The following ZMYND8 variants were observed in gnomAD, a reference collection of about 807,000 sequenced individuals.
The protein encoded by ZMYND8 is MYND-type zinc finger-containing chromatin reader ZMYND8.
Under a neutral mutation model 140.8 loss-of-function variants are expected in ZMYND8, and 37 were observed. That is an observed-to-expected ratio of 0.26 (90% CI 0.20 to 0.35). The LOEUF is 0.35. Ranked by LOEUF, ZMYND8 falls within the 10% of genes least tolerant of loss-of-function variation. The probability of loss-of-function intolerance (pLI) is 1.00; values close to 1 mark genes in which losing one functional copy is unlikely to be tolerated. For missense variants in ZMYND8, 1,068 were observed against 1,570.0 expected, an observed-to-expected ratio of 0.68 and a Z score of 5.40; for synonymous variants, 592 against 597.1, an observed-to-expected ratio of 0.99 and a Z score of 0.12.
At chr20:47,284,736 T>C (rs2076819019) in intron 8 of ZMYND8, among the ~76,000 whole-genome samples, 1 of 152,140 alleles carries the variant, frequency 6.6e-6, no homozygotes, top group East Asian at 1.9e-4. Context: ...ATTGTCCTTT[T>C]CTCTCATAAG....
At chr20:47,323,359 C>G (rs1427769431) in intron 2 of ZMYND8, among the ~76,000 whole-genome samples, 6 of 152,150 alleles carry the variant, frequency 3.9e-5, no homozygotes, top group Non-Finnish European at 8.8e-5. Flanking sequence ...CCTCCCACCT[C>G]AGGCTCCCAA....
chr20:47,276,985 G>A (rs968470056), intron 10 of ZMYND8, among the ~76,000 whole-genome samples, 190 bp from the exon 11 acceptor site: 3 of 147,962 alleles, frequency 2.0e-5, no homozygotes, highest in Non-Finnish European at 4.5e-5. Flanking sequence ...TACCATAACA[G>A]AACATGAACA....
intron 3 of ZMYND8, among the ~76,000 whole-genome samples, chr20:47,300,500 G>C (rs1402556645): frequency 6.6e-6 from 1 of 152,220 alleles, no homozygotes; most frequent in Non-Finnish European, 1.5e-5. Flanking sequence ...TTGATAGACA[G>C]AAATGCTGTC....
chr20:47,332,435 C>T (rs1391027815), intron 2 of ZMYND8, among the ~76,000 whole-genome samples: 1 of 152,128 alleles, frequency 6.6e-6, no homozygotes, highest in Non-Finnish European at 1.5e-5. Context: ...TGACTCCAAG[C>T]ATGGTGGATC....
chr20:47,215,579 C>T (rs766910420), intron 21 of ZMYND8, among the ~76,000 whole-genome samples: 3 of 151,468 alleles, frequency 2.0e-5, no homozygotes, highest in Non-Finnish European at 4.4e-5. Context: ...TTCACAGGCA[C>T]TCACTGCAGT....
chr20:47,333,750 A>G (rs1051220903), intron 2 of ZMYND8, among the ~76,000 whole-genome samples: 1 of 143,442 alleles, frequency 7.0e-6, no homozygotes, highest in African/African-American at 2.7e-5. Flanking sequence ...AAAAAAAAAA[A>G]AAAAAACATT....
chr20:47,300,536 T>C (rs964256816), intron 3 of ZMYND8, among the ~76,000 whole-genome samples: 4 of 152,214 alleles, frequency 2.6e-5, no homozygotes, highest in Admixed American at 6.5e-5. Context: ...ACCTCATATA[T>C]AGACAGTTCC....
At position 47,229,759 on chromosome 20, in the gene ZMYND8, A is replaced by G; in HGVS notation, c.2904T>C (p.Leu968=). 6.2e-7 allele frequency: 1 copy of G among 1,613,454 alleles called. No homozygotes were observed. Among genetic ancestry groups the G allele is most frequent in the Non-Finnish European group, 8.5e-7 (1 of 1,179,822 alleles). The change falls in exon 17 of 23, where the codon CTT becomes CTC. Residue 968 remains leucine, a synonymous_variant. Coordinates refer to ENST00000471951, the MANE Select transcript of ZMYND8 (RefSeq NM_001281775.3). ...TTGTGCTTCCAGTAGTGTTTTTAGA[A>G]AGATCGTTGTATATTTCTGTCATTG... ...KGTMTEIYND[L]SKNTTGSTIA...
At chr20:47,270,944 G>T (rs1308988718) in intron 11 of ZMYND8, among the ~76,000 whole-genome samples, 2 of 151,926 alleles carry the variant, frequency 1.3e-5, no homozygotes, top group East Asian at 1.9e-4. Flanking sequence ...GGGCGTGGCG[G>T]CAGGCACCTG....
At position 47,288,613 on chromosome 20, in the gene ZMYND8, C is replaced by T. The variant is rs536714190; in HGVS notation, c.749-1329G>A. Among the ~76,000 whole-genome samples, 16 of 152,028 alleles carry T rather than the reference C, an allele frequency of 1.1e-4. 1 individual carries two copies. In the South Asian group the frequency reaches 2.3e-3, roughly 22 times the overall value. ...TTCACCATGTTGGCCAAGCTGATCT[C>T]GAACCCCTGACTGAAGTGATCCGCC... On this transcript the variant is annotated intron_variant, in intron 7 of 22. Coordinates refer to ENST00000471951, the MANE Select transcript of ZMYND8 (RefSeq NM_001281775.3).
intron 20 of ZMYND8, 81 bp from the exon 21 acceptor site, chr20:47,220,405 G>C (rs2036773310): frequency 8.5e-7 from 1 of 1,173,818 alleles, no homozygotes; most frequent in African/African-American, 1.5e-5. Context: ...GGAGTCATGG[G>C]GGTGCTCATC....
At chr20:47,275,898 G>A (rs570592677) in intron 11 of ZMYND8, among the ~76,000 whole-genome samples, 3 of 152,224 alleles carry the variant, frequency 2.0e-5, no homozygotes, top group South Asian at 4.1e-4. Context: ...CATGAGCCAC[G>A]GCGCCTGGTC....
At chr20:47,215,394 T>A (rs908091174) in intron 21 of ZMYND8, among the ~76,000 whole-genome samples, 2 of 151,708 alleles carry the variant, frequency 1.3e-5, no homozygotes, top group Admixed American at 1.3e-4. Flanking sequence ...ATAATAATAA[T>A]AAATGTCCAT....
chr20:47,328,260 G>T (rs1484576324), intron 2 of ZMYND8, among the ~76,000 whole-genome samples: 1 of 152,116 alleles, frequency 6.6e-6, no homozygotes, highest in African/African-American at 2.4e-5. Context: ...CCCATTATAG[G>T]TATTGCATAA....
At chr20:47,303,236 G>T (rs1027269331) in intron 3 of ZMYND8, among the ~76,000 whole-genome samples, 1 of 152,142 alleles carries the variant, frequency 6.6e-6, no homozygotes, top group Non-Finnish European at 1.5e-5. Context: ...CCTGTTGAAA[G>T]ATAAGCTATA....
In ZMYND8 at chr20:47,309,097, A is replaced by G. The variant is rs2078720294; in HGVS notation, c.234+959T>C. On this transcript the variant is annotated intron_variant, in intron 3 of 22. Coordinates refer to ENST00000471951, the MANE Select transcript of ZMYND8 (RefSeq NM_001281775.3). ...TCTCCATTTTTGTAATCTGAAGAGT[A>G]TCTAGCCTGCCCCAGAGAATTCTAA... Among the ~76,000 whole-genome samples, 3 of 152,186 alleles carry G rather than the reference A, an allele frequency of 2.0e-5. No homozygotes were observed. In the South Asian group the frequency reaches 6.2e-4, roughly 32 times the overall value.
At chr20:47,231,427 G>A (rs980897667) in intron 16 of ZMYND8, among the ~76,000 whole-genome samples, 8 of 152,110 alleles carry the variant, frequency 5.3e-5, no homozygotes, top group African/African-American at 1.4e-4. Flanking sequence ...ACTGCATGCC[G>A]CCCCGGTAGG....
At chr20:47,285,559 G>T in intron 8 of ZMYND8, 2 of 523,670 alleles carry the variant, frequency 3.8e-6, no homozygotes, top group African/African-American at 2.1e-5. Context: ...ATATAGTTTT[G>T]TAATTACAAC....
At chr20:47,343,975 T>C (rs1287175832) in intron 2 of ZMYND8, among the ~76,000 whole-genome samples, 1 of 150,150 alleles carries the variant, frequency 6.7e-6, no homozygotes, top group Non-Finnish European at 1.5e-5. Context: ...TTTTTTTTTT[T>C]TTTCTTTTTG....
Sources: allele counts gnomAD v4.1 joint callset (sites outside exome capture counted in the v4.1 genomes callset), GRCh38; gene constraint gnomAD v4.1.1; transcripts MANE v1.5; gene names NCBI Gene and HGNC (gene_info 2026-07-23, HGNC 2026-07-21).